Variants in ZZZ3 observed in about 807,000 individuals in gnomAD.
ZZZ3 encodes the protein zinc finger ZZ-type containing 3.
ZZZ3 carries 22 observed loss-of-function variants against 95.2 expected under a neutral mutation model. The observed-to-expected ratio is 0.23, with a 90% CI of 0.17 to 0.33. The LOEUF (loss-of-function observed/expected upper bound fraction) is 0.33. ZZZ3 is among the 10% of genes least tolerant of loss of function. The probability of loss-of-function intolerance (pLI) is 1.00; values close to 1 mark genes in which losing one functional copy is unlikely to be tolerated. For missense variants in ZZZ3, 885 were observed against 1,066.5 expected (o/e 0.83, Z 2.37); for synonymous variants, 335 against 358.9 (o/e 0.93, Z 0.75).
chr1:77,670,988 C>T (rs1464213228), intron 1 of ZZZ3, among the ~76,000 whole-genome samples: 1 of 148,302 alleles, frequency 6.7e-6, no homozygotes, highest in Non-Finnish European at 1.5e-5. Context: ...GCCTGGGCAA[C>T]ACAGTAACAC....
intron 1 of ZZZ3, among the ~76,000 whole-genome samples, chr1:77,666,153 AAGC>A (rs1357491057): frequency 5.9e-5 from 9 of 152,276 alleles, no homozygotes; most frequent in Admixed American, 5.9e-4. Context: ...TAATTAAGTT[AAGC>A]AGCAGTAGCA....
intron 1 of ZZZ3, among the ~76,000 whole-genome samples, chr1:77,655,489 C>T (rs140971306): frequency 6.6e-6 from 1 of 152,284 alleles, no homozygotes; most frequent in African/African-American, 2.4e-5. Flanking sequence ...GGAACTGGGC[C>T]GTTGCCAACA....
intron 1 of ZZZ3, among the ~76,000 whole-genome samples, chr1:77,667,543 C>A (rs974975700): frequency 9.2e-5 from 14 of 152,074 alleles, no homozygotes; most frequent in Admixed American, 9.2e-4. Context: ...ACAAGCCTTA[C>A]CTCATTCCAG....
chr1:77,576,910 T>C (rs1662018965), intron 11 of ZZZ3, among the ~76,000 whole-genome samples: 1 of 152,244 alleles, frequency 6.6e-6, no homozygotes, highest in Non-Finnish European at 1.5e-5. Context: ...CCAATGTCAT[T>C]TAATCCTTAC....
At position 77,578,199 on chromosome 1, in the gene ZZZ3, G is replaced by A. The variant is rs78195649; in HGVS notation, c.2178+575C>T. On this transcript the variant is annotated intron_variant, in intron 11 of 14. Coordinates refer to ENST00000370801, the MANE Select transcript of ZZZ3 (RefSeq NM_015534.6). ...TATGTCAGTAAAGTGAAGATGATAA[G>A]ACTACTTATATTTCAAGAATTGTAG... Among the ~76,000 whole-genome samples, 25 of 152,240 alleles carry A rather than the reference G, an allele frequency of 1.6e-4. 2 individuals are homozygous for A. The East Asian group carries it at 4.6e-3, about 28-fold the overall frequency.
At chr1:77,579,890 A>G (rs1662332447) in intron 9 of ZZZ3, 1 of 211,014 alleles carries the variant, frequency 4.7e-6, no homozygotes, top group South Asian at 1.4e-4. Context: ...ATCTCATAAG[A>G]AAACAGAAAA....
At position 77,611,496 on chromosome 1, in the gene ZZZ3, T is replaced by C. The variant is rs544235089; in HGVS notation, c.1505+20354A>G. Among the ~76,000 whole-genome samples, 19 of 152,130 alleles carry C rather than the reference T, an allele frequency of 1.2e-4. No homozygotes were observed. In the East Asian group the frequency reaches 3.1e-3, roughly 25 times the overall value. On this transcript the variant is annotated intron_variant, in intron 5 of 14. Transcript: ENST00000370801. ...AGAAAAAACAATCCTAAAATTTGTA[T>C]GGAACCACAAAAGACTCCAAATAGC... is the stretch of plus-strand genomic sequence containing the variant.
intron 5 of ZZZ3, among the ~76,000 whole-genome samples, chr1:77,588,511 G>A (rs1028639185): frequency 1.3e-5 from 2 of 151,992 alleles, no homozygotes; most frequent in African/African-American, 4.8e-5. Flanking sequence ...GGAGCAAATT[G>A]TGATAAAGAC....
rs55872024 is a variant in ZZZ3, at chr1:77,587,752, G to A, written c.1506-3097C>T. On this transcript the variant is annotated intron_variant, in intron 5 of 14. Transcript: ENST00000370801. ...GCCCTTGAACAACACAACACAGTTC[G>A]AACTGCGTGGATCCACTTATACACA... is the stretch of plus-strand genomic sequence containing the variant. 3.7e-3 allele frequency among the ~76,000 whole-genome samples: 565 copies of A among 152,226 alleles called. 5 individuals are homozygous for A. The highest frequency in any genetic ancestry group is 0.013 in the African/African-American group (535 of 41,542).
Position 77,632,437 on chromosome 1 carries a change from T to A in ZZZ3, c.918A>T (p.Glu306Asp). 6.2e-7 allele frequency: 1 copy of A among 1,614,140 alleles called. No individual in the cohort carries two copies. Among genetic ancestry groups the A allele is most frequent in the Non-Finnish European group, 8.5e-7 (1 of 1,180,012 alleles). Residue 306 changes from glutamate to aspartate, a missense_variant, in exon 5 of 15, where the codon GAA becomes GAT. This residue lies in a region of ZZZ3 where 556 missense variants were observed against 652.9 expected (regional missense o/e 0.85). Transcript: ENST00000370801. ...TTEPATGPFS[E>D]TQSSLRDSEE... ...CAGAATCCCTTAAAGATGACTGAGT[T>A]TCAGAAAAGGGCCCTGTAGCTGGCT...
chr1:77,661,499 G>C (rs1570640041), intron 1 of ZZZ3, among the ~76,000 whole-genome samples: 1 of 152,154 alleles, frequency 6.6e-6, no homozygotes, highest in East Asian at 1.9e-4. Flanking sequence ...GCCCTCAGAA[G>C]TTATTTAGCC....
chr1:77,617,307 C>T (rs1048909601), intron 5 of ZZZ3, among the ~76,000 whole-genome samples: 7 of 152,152 alleles, frequency 4.6e-5, no homozygotes, highest in African/African-American at 1.2e-4. Context: ...TACCCTTCCC[C>T]GACCCCCTGG....
chr1:77,680,238 T>C (rs991390908), intron 1 of ZZZ3, among the ~76,000 whole-genome samples: 2 of 152,262 alleles, frequency 1.3e-5, no homozygotes, highest in Non-Finnish European at 2.9e-5. Flanking sequence ...ATTCTGTGAA[T>C]AGACCCAGAA....
chr1:77,646,293 C>T (rs1430044448), intron 1 of ZZZ3, among the ~76,000 whole-genome samples: 1 of 152,046 alleles, frequency 6.6e-6, no homozygotes, highest in African/African-American at 2.4e-5. Flanking sequence ...AATCACCACT[C>T]ACTGCAGCCT....
chr1:77,568,290 A>G, intron 13 of ZZZ3, 42 bp downstream of exon 13: 3 of 1,441,558 alleles, frequency 2.1e-6, no homozygotes, highest in Non-Finnish European at 2.8e-6. Flanking sequence ...AAATAAATAA[A>G]TAAATAAAAT....
intron 1 of ZZZ3, among the ~76,000 whole-genome samples, chr1:77,673,598 C>G (rs1216665562): frequency 6.6e-6 from 1 of 151,986 alleles, no homozygotes; most frequent in Non-Finnish European, 1.5e-5. Flanking sequence ...CTGTGTCACA[C>G]ACACACAAAT....
intron 1 of ZZZ3, among the ~76,000 whole-genome samples, chr1:77,681,522 A>G (rs1672751435): frequency 2.0e-5 from 3 of 152,224 alleles, no homozygotes; most frequent in Non-Finnish European, 4.4e-5. Context: ...ATTGATTTCA[A>G]ACTCATTTAA....
chr1:77,600,254 T>C (rs1194705650), intron 5 of ZZZ3, among the ~76,000 whole-genome samples: 1 of 152,182 alleles, frequency 6.6e-6, no homozygotes, highest in Non-Finnish European at 1.5e-5. Context: ...AAGCCAAACA[T>C]ATACTCAGGC....
At chr1:77,630,898 T>C (rs1294108976) in intron 5 of ZZZ3, among the ~76,000 whole-genome samples, 1 of 152,210 alleles carries the variant, frequency 6.6e-6, no homozygotes, top group Non-Finnish European at 1.5e-5. Context: ...GTTCCTCAAA[T>C]CAAAGTATTT....
Sources: allele counts gnomAD v4.1 joint callset (sites outside exome capture counted in the v4.1 genomes callset), GRCh38; gene constraint gnomAD v4.1.1; regional missense constraint gnomAD v4.1.1; transcripts MANE v1.5; gene names NCBI Gene and HGNC (gene_info 2026-07-23, HGNC 2026-07-21).